FRMPD3: variants seen among roughly 807,000 people sequenced by gnomAD.
FRMPD3 encodes FERM and PDZ domain-containing protein 3.
In FRMPD3, 42 loss-of-function variants were observed where a neutral mutation model predicts 97.9. The observed-to-expected ratio is 0.43, with a 90% CI of 0.34 to 0.55. The LOEUF (loss-of-function observed/expected upper bound fraction) is 0.55, where lower values mean the gene tolerates loss of function less well. Ranked by LOEUF, FRMPD3 falls within the 20% of genes least tolerant of loss-of-function variation. The pLI is 0.03. For missense variants in FRMPD3, 1,303 were observed against 1,457.7 expected (o/e 0.89, Z 1.73); for synonymous variants, 577 against 581.1 (o/e 0.99, Z 0.10).
chrX:107,525,089 A>G (rs1324320924), intron 1 of FRMPD3, among the ~76,000 whole-genome samples: 3 of 111,060 alleles, frequency 2.7e-5, no homozygotes, highest in Admixed American at 9.6e-5. Flanking sequence ...AGTTTCATTA[A>G]TTAGCTACTG....
At chrX:107,547,115 C>T (rs1285629166) in intron 5 of FRMPD3, among the ~76,000 whole-genome samples, 1 of 111,308 alleles carries the variant, frequency 9.0e-6, no homozygotes, top group Non-Finnish European at 1.9e-5. Context: ...CATTGATGAG[C>T]AGAGGGGAAA....
chrX:107,547,616 A>C (rs1251493742), intron 5 of FRMPD3, among the ~76,000 whole-genome samples: 1 of 111,084 alleles, frequency 9.0e-6, no homozygotes, highest in Admixed American at 9.5e-5. Flanking sequence ...TCCAACTCTC[A>C]CTGCACTCGT....
At chrX:107,535,660 G>T (rs1186528907) in intron 4 of FRMPD3, among the ~76,000 whole-genome samples, 2 of 93,331 alleles carry the variant, frequency 2.1e-5, no homozygotes, top group Non-Finnish European at 2.1e-5. Context: ...GTGACAGAGC[G>T]AGACTCCATC....
chrX:107,457,343 A>G (rs1214925627), intron 1 of FRMPD3, among the ~76,000 whole-genome samples: 1 of 111,712 alleles, frequency 9.0e-6, no homozygotes, highest in African/African-American at 3.3e-5. Flanking sequence ...TGTTAACTGC[A>G]AATAGTTAAA....
chrX:107,573,783 G>A (rs769348083), intron 12 of FRMPD3, among the ~76,000 whole-genome samples: 1 of 112,629 alleles, frequency 8.9e-6, no homozygotes, highest in South Asian at 3.6e-4. Flanking sequence ...ATTCAAGTTA[G>A]TATTTGATCC....
chrX:107,506,513 TC>T (rs992481885), intron 1 of FRMPD3, among the ~76,000 whole-genome samples: 3 of 112,905 alleles, frequency 2.7e-5, no homozygotes. Context: ...AATTTTATTT[TC>T]CGTACAATGG....
intron 3 of FRMPD3, among the ~76,000 whole-genome samples, chrX:107,531,892 G>A (rs1015927977): frequency 9.0e-6 from 1 of 111,727 alleles, no homozygotes; most frequent in African/African-American, 3.3e-5. Context: ...AGCTCCTTCA[G>A]GGTTAAAGCA....
rs1405947862 is a variant in FRMPD3, at chrX:107,530,480, G to A, written c.220G>A (p.Ala74Thr). The A allele has an allele frequency of 1.7e-6, 2 of 1,193,708 alleles. No homozygotes were observed. Among genetic ancestry groups the A allele is most frequent in the Non-Finnish European group, 1.1e-6 (1 of 885,998 alleles). ...VAINEEDVSE[A>T]PRERLIELIR... ...TATTAATGAGGAAGACGTGAGTGAA[G>A]CCCCGAGGGAGAGACTCATAGAACT... The change falls in exon 3 of 15, where the codon GCC (alanine) becomes ACC (threonine). Residue 74 changes from alanine (A) to threonine (T), a missense_variant. By Grantham distance (58) the Ala-to-Thr change is moderately conservative. Coordinates refer to ENST00000683843, the MANE Select transcript of FRMPD3 (RefSeq NM_001388459.1).
At chrX:107,546,959 C>A (rs1921638818) in intron 5 of FRMPD3, among the ~76,000 whole-genome samples, 1 of 111,721 alleles carries the variant, frequency 9.0e-6, no homozygotes. Context: ...CTCTCATTCC[C>A]AAACTCAGTC....
chrX:107,469,020 A>G (rs1476486641), intron 1 of FRMPD3, among the ~76,000 whole-genome samples: 1 of 112,193 alleles, frequency 8.9e-6, no homozygotes. Context: ...AAACCAGGGG[A>G]TTATTGTAGC....
chrX:107,570,900 G>A (rs1222355646), intron 12 of FRMPD3, among the ~76,000 whole-genome samples: 1 of 111,938 alleles, frequency 8.9e-6, no homozygotes. Flanking sequence ...ATTAATCCCT[G>A]CTGTACCTTC....
intron 1 of FRMPD3, among the ~76,000 whole-genome samples, chrX:107,509,365 C>A (rs1200298545): frequency 9.0e-6 from 1 of 111,419 alleles, no homozygotes; most frequent in Non-Finnish European, 1.9e-5. Flanking sequence ...GGGAGACCTT[C>A]CATGTGTAGC....
chrX:107,603,891 C>A lies in FRMPD3; in HGVS notation c.*518C>A, dbSNP rs1224055981. On this transcript the variant is annotated 3_prime_UTR_variant, in exon 15 of 15. Transcript: ENST00000683843. ...GGGCTCACACTCACCTGGTAGATGCCACCCTGAGGGCCTGTGCCTGGGTGA... is the reference window on the plus strand; with the variant it reads ...GGGCTCACACTCACCTGGTAGATGCAACCCTGAGGGCCTGTGCCTGGGTGA... 8.8e-6 allele frequency: 1 copy of A among 113,354 alleles called. No individual in the cohort carries two copies. The highest frequency in any genetic ancestry group is 3.2e-5 in the African/African-American group (1 of 30,816). The allele number at this position is 113,354 out of a possible 1,213,427, so 9.3% of individuals were successfully genotyped here.
chrX:107,538,055 G>T (rs1428104170), intron 4 of FRMPD3, among the ~76,000 whole-genome samples: 1 of 111,696 alleles, frequency 9.0e-6, no homozygotes, highest in Non-Finnish European at 1.9e-5. Context: ...TCTGGGGCCA[G>T]TTGGACGGGG....
rs747659311 is a variant in FRMPD3 at position 107,601,623 on chromosome X, A to G, written c.3584A>G (p.Asn1195Ser). ...MPSRKLETTL[N>S]GAHSTSEGPA... ...TCTAGGAAGCTTGAAACAACTCTCA[A>G]TGGAGCCCACTCGACCTCTGAAGGC... Residue 1195 changes from asparagine (N) to serine (S), a missense_variant, in exon 15 of 15, where the codon AAT becomes AGT. Around this residue, in one of 3 missense-constraint regions of FRMPD3, gnomAD observed 764 missense variants for 820.2 expected, o/e 0.93. Transcript: ENST00000683843. 1.2e-5 allele frequency: 15 copies of G among 1,210,187 alleles called. No individual in the cohort carries two copies. The highest frequency in any genetic ancestry group is 3.0e-5 in the East Asian group (1 of 33,800).
chrX:107,532,384 T>C (rs1489537673), intron 3 of FRMPD3, among the ~76,000 whole-genome samples: 1 of 111,513 alleles, frequency 9.0e-6, no homozygotes, highest in African/African-American at 3.3e-5. Context: ...AGGACTGGAG[T>C]TGGTAAGGAA....
At chrX:107,558,877 G>T (rs1190730472) in intron 8 of FRMPD3, among the ~76,000 whole-genome samples, 1 of 110,135 alleles carries the variant, frequency 9.1e-6, no homozygotes, top group Non-Finnish European at 1.9e-5. Flanking sequence ...TAGAGACAGG[G>T]TTTCACCATG....
chrX:107,495,622 A>G (rs993060143), intron 1 of FRMPD3, among the ~76,000 whole-genome samples: 1 of 111,441 alleles, frequency 9.0e-6, no homozygotes, highest in African/African-American at 3.3e-5. Context: ...GGCCTTTGAG[A>G]TAACATAGAA....
At chrX:107,544,298 A>G (rs780368031) in intron 4 of FRMPD3, among the ~76,000 whole-genome samples, 1 of 111,442 alleles carries the variant, frequency 9.0e-6, no homozygotes, top group East Asian at 2.8e-4. Flanking sequence ...AGACAGGAGG[A>G]ATAAGTTTTT....
Sources: allele counts gnomAD v4.1 joint callset (sites outside exome capture counted in the v4.1 genomes callset), GRCh38; gene constraint gnomAD v4.1.1; regional missense constraint gnomAD v4.1.1; transcripts MANE v1.5; gene names NCBI Gene and HGNC (gene_info 2026-07-23, HGNC 2026-07-21).